STX8: variants seen among roughly 807,000 people sequenced by gnomAD.
STX8 encodes the protein syntaxin 8.
STX8 carries 23 observed loss-of-function variants against 37.5 expected under a neutral mutation model. The ratio of observed to expected loss-of-function variants is 0.61; its 90% CI spans 0.44 to 0.87. STX8 has a LOEUF of 0.87. Ranked by LOEUF, STX8 falls within the 40% of genes least tolerant of loss-of-function variation. The pLI, the probability that STX8 is intolerant of heterozygous loss-of-function variation, is 0.00. For synonymous variants in STX8, 115 were observed against 99.1 expected, an observed-to-expected ratio of 1.16 and a Z score of -0.95; for missense variants, 313 against 284.7, an observed-to-expected ratio of 1.10 and a Z score of -0.71.
chr17:9,269,165 C>T (rs1014970323), intron 7 of STX8, among the ~76,000 whole-genome samples: 119 of 142,428 alleles, frequency 8.4e-4, no homozygotes, highest in African/African-American at 3.1e-3. Context: ...CCAGCCTGGG[C>T]GATAGAGCAA....
At chr17:9,324,245 C>G (rs1233091066) in intron 7 of STX8, among the ~76,000 whole-genome samples, 1 of 152,098 alleles carries the variant, frequency 6.6e-6, no homozygotes, top group Non-Finnish European at 1.5e-5. Context: ...GATGGTCATC[C>G]AGGTACCAGC....
At chr17:9,465,545 G>A (rs138177093) in intron 6 of STX8, among the ~76,000 whole-genome samples, 58 of 152,208 alleles carry the variant, frequency 3.8e-4, no homozygotes, top group African/African-American at 1.1e-3. Context: ...TTTGTGTGCC[G>A]GAGAAATGTA....
intron 7 of STX8, among the ~76,000 whole-genome samples, chr17:9,267,000 G>C (rs981571481): frequency 1.2e-4 from 18 of 152,140 alleles, no homozygotes; most frequent in African/African-American, 4.3e-4. Context: ...TCAACATTCC[G>C]CAGTCTGAAG....
chr17:9,373,971 C>T (rs1037279578), intron 7 of STX8, among the ~76,000 whole-genome samples: 8 of 150,762 alleles, frequency 5.3e-5, no homozygotes, highest in South Asian at 2.1e-4. Context: ...TGGACAGCCT[C>T]GGCCACGAAG....
At chr17:9,321,957 G>GT in intron 7 of STX8, among the ~76,000 whole-genome samples, 1 of 152,364 alleles carries the variant, frequency 6.6e-6, no homozygotes, top group South Asian at 2.1e-4. Flanking sequence ...TTAAAACTGT[G>GT]TAGATGCATT....
intron 7 of STX8, among the ~76,000 whole-genome samples, chr17:9,323,054 A>G (rs1597603961): frequency 6.6e-6 from 1 of 152,252 alleles, no homozygotes; most frequent in East Asian, 1.9e-4. Context: ...CTTAAAAAAT[A>G]GGGGGTCTTT....
At chr17:9,434,058 C>T (rs980848738) in intron 6 of STX8, among the ~76,000 whole-genome samples, 11 of 151,910 alleles carry the variant, frequency 7.2e-5, no homozygotes, top group African/African-American at 2.7e-4. Flanking sequence ...GGCTGGAGTG[C>T]ACTGGCGCAA....
At chr17:9,330,680 G>A (rs1909934910) in intron 7 of STX8, among the ~76,000 whole-genome samples, 1 of 152,202 alleles carries the variant, frequency 6.6e-6, no homozygotes, top group African/African-American at 2.4e-5. Flanking sequence ...GATGGCCCCT[G>A]GCAGAGCCTC....
chr17:9,480,045 C>A (rs1038958625), intron 6 of STX8, among the ~76,000 whole-genome samples: 6 of 152,146 alleles, frequency 3.9e-5, no homozygotes, highest in Non-Finnish European at 7.3e-5. Flanking sequence ...TATCATTTTC[C>A]CAGGAAAGGC....
chr17:9,463,722 A>G (rs542840354), intron 6 of STX8, among the ~76,000 whole-genome samples: 95 of 152,338 alleles, frequency 6.2e-4, no homozygotes, highest in African/African-American at 2.3e-3. Flanking sequence ...AGCCTGACCA[A>G]CATGGAGAAA....
chr17:9,332,288 G>C (rs1378697428), intron 7 of STX8, among the ~76,000 whole-genome samples: 1 of 152,186 alleles, frequency 6.6e-6, no homozygotes, highest in Non-Finnish European at 1.5e-5. Flanking sequence ...TGGAGTCAGG[G>C]AGAATGACTC....
rs79835570 is a variant in STX8, at chr17:9,303,445, T to C, written c.644-52800A>G. On this transcript the variant is annotated intron_variant, in intron 7 of 7. Transcript: ENST00000306357. ...TTGCATCTCTCTGTTGTAGTACCTT[T>C]ACCCTAGTGTGTGTGTGTGTATGTG... Among the ~76,000 whole-genome samples the C allele has an allele frequency of 4.1e-3, 621 of 152,284 alleles. 19 individuals are homozygous for C. The highest frequency in any genetic ancestry group is 0.031 in the East Asian group (163 of 5,178).
chr17:9,556,903 A>C (rs2151915305), intron 3 of STX8: 1 of 151,656 alleles, frequency 6.6e-6, no homozygotes, highest in African/African-American at 2.4e-5. Context: ...ACACTCCCAT[A>C]CTAGAGGCAG....
intron 7 of STX8, among the ~76,000 whole-genome samples, chr17:9,340,281 A>G (rs1430220240): frequency 6.6e-6 from 1 of 152,232 alleles, no homozygotes; most frequent in African/African-American, 2.4e-5. Context: ...GATTTTCCCC[A>G]ACATGCAGAC....
intron 7 of STX8, among the ~76,000 whole-genome samples, chr17:9,343,148 C>G (rs1338049593): frequency 6.6e-6 from 1 of 151,896 alleles, no homozygotes; most frequent in Non-Finnish European, 1.5e-5. Context: ...CCACAAAACC[C>G]AGAAATGCTT....
chr17:9,315,818 C>A (rs909463506), intron 7 of STX8, among the ~76,000 whole-genome samples: 1 of 152,088 alleles, frequency 6.6e-6, no homozygotes. Flanking sequence ...TTGAGACCAG[C>A]CTGGGTAACA....
chr17:9,296,903 CCTCAT>C (rs1371648557), intron 7 of STX8, among the ~76,000 whole-genome samples: 1 of 151,966 alleles, frequency 6.6e-6, no homozygotes, highest in Non-Finnish European at 1.5e-5. Context: ...CTTCTCTGGG[CCTCAT>C]CTCATTATTT....
At chr17:9,427,691 AG>A (rs1913689158) in intron 6 of STX8, among the ~76,000 whole-genome samples, 2 of 152,164 alleles carry the variant, frequency 1.3e-5, no homozygotes, top group Non-Finnish European at 2.9e-5. Flanking sequence ...GCTCACAGAC[AG>A]AGTGGAGTTC....
chr17:9,322,730 A>G (rs1909617206), intron 7 of STX8, among the ~76,000 whole-genome samples: 2 of 147,574 alleles, frequency 1.4e-5, no homozygotes, highest in Admixed American at 1.4e-4. Context: ...GCCATTTAAG[A>G]GGGCAGGGAT....
Sources: gnomAD v4.1 joint callset for allele counts (sites outside exome capture counted in the v4.1 genomes callset) on GRCh38, gnomAD v4.1.1 for gene constraint, MANE v1.5 for transcripts, NCBI Gene and HGNC (gene_info 2026-07-23, HGNC 2026-07-21) for gene names.